The following ITGB8 variants were observed in gnomAD, a reference collection of about 807,000 sequenced individuals.
The protein encoded by ITGB8 is integrin subunit beta 8.
ITGB8 carries 30 observed loss-of-function variants against 89.5 expected under a neutral mutation model. The observed-to-expected ratio is 0.34, with a 90% CI of 0.25 to 0.45. The LOEUF (loss-of-function observed/expected upper bound fraction) is 0.45, where lower values mean the gene tolerates loss of function less well. ITGB8 is among the 20% of genes least tolerant of loss of function. The pLI, the probability that ITGB8 is intolerant of heterozygous loss-of-function variation, is 1.00. For missense variants in ITGB8, 836 were observed against 933.3 expected (o/e 0.90, Z 1.36); for synonymous variants, 335 against 320.4 (o/e 1.05, Z -0.49).
At chr7:20,347,361 T>C (rs965249658) in intron 1 of ITGB8, among the ~76,000 whole-genome samples, 5 of 152,164 alleles carry the variant, frequency 3.3e-5, no homozygotes, top group African/African-American at 7.2e-5. Flanking sequence ...CAACAATGTA[T>C]GTGGTGATTT....
At chr7:20,399,817 C>A (rs999841241) in intron 9 of ITGB8, among the ~76,000 whole-genome samples, 1 of 151,606 alleles carries the variant, frequency 6.6e-6, no homozygotes, top group African/African-American at 2.4e-5. Flanking sequence ...ATCTAAAGTG[C>A]AATGATGATT....
intron 10 of ITGB8, 93 bp downstream of exon 10, chr7:20,402,219 C>A: frequency 9.0e-7 from 1 of 1,106,296 alleles, no homozygotes; most frequent in Non-Finnish European, 1.2e-6. Context: ...TATAAATTAG[C>A]AAAACTGAAT....
intron 11 of ITGB8, among the ~76,000 whole-genome samples, chr7:20,405,346 G>T (rs1232779092): frequency 6.7e-6 from 1 of 149,576 alleles, no homozygotes; most frequent in South Asian, 2.1e-4. Flanking sequence ...TTGTGACAGA[G>T]TCTCGCTCTG....
intron 7 of ITGB8, among the ~76,000 whole-genome samples, chr7:20,393,721 G>A (rs1387183330): frequency 2.6e-5 from 4 of 152,124 alleles, no homozygotes; most frequent in Non-Finnish European, 4.4e-5. Context: ...TCTCCTCTGT[G>A]CCTTTGTTCT....
intron 1 of ITGB8, among the ~76,000 whole-genome samples, chr7:20,353,706 G>A (rs930993241): frequency 1.4e-5 from 2 of 147,210 alleles, no homozygotes; most frequent in African/African-American, 5.4e-5. Flanking sequence ...GGCCGAGGCG[G>A]GCGGATCACG....
At chr7:20,386,423 T>TC (rs1025150313) in intron 6 of ITGB8, among the ~76,000 whole-genome samples, 3 of 146,902 alleles carry the variant, frequency 2.0e-5, no homozygotes, top group African/African-American at 7.6e-5. Context: ...TTTTTTTTTT[T>TC]TTTTTTTGGA....
In ITGB8 at chr7:20,381,850, C is replaced by A. The variant is rs752932121; in HGVS notation, c.925C>A (p.Leu309Met). The change falls in exon 6 of 14, where the codon CTG becomes ATG. Residue 309 changes from leucine to methionine, a missense_variant. Leu to Met is a conservative substitution (Grantham distance 15). This residue lies in a region of ITGB8 where 192 missense variants were observed against 267.1 expected (regional missense o/e 0.72). Coordinates refer to ENST00000222573, the MANE Select transcript of ITGB8 (RefSeq NM_002214.3). ...IVVPNDGNCH[L>M]KNNVYVKSTT... ...GGTGCCCAATGACGGAAACTGTCAT[C>A]TGAAAAACAACGTCTATGTCAAATC... 10 of 1,613,454 alleles carry A rather than the reference C, an allele frequency of 6.2e-6. No individual in the cohort carries two copies. Among genetic ancestry groups the A allele is most frequent in the Non-Finnish European group, 7.6e-6 (9 of 1,179,796 alleles).
intron 1 of ITGB8, among the ~76,000 whole-genome samples, chr7:20,335,876 A>G (rs897539756): frequency 2.6e-5 from 4 of 151,514 alleles, no homozygotes; most frequent in African/African-American, 9.7e-5. Context: ...TCTTGGACCC[A>G]CACTCTCTTG....
At chr7:20,356,738 A>G (rs549391970) in intron 1 of ITGB8, among the ~76,000 whole-genome samples, 26 of 152,284 alleles carry the variant, frequency 1.7e-4, no homozygotes, top group African/African-American at 5.5e-4. Flanking sequence ...ATAACCATGA[A>G]CATCCTTTAA....
At chr7:20,391,607 C>A in intron 7 of ITGB8, 109 bp downstream of exon 7, 1 of 546,984 alleles carries the variant, frequency 1.8e-6, no homozygotes, top group Non-Finnish European at 3.2e-6. Flanking sequence ...ATACTTTGTA[C>A]AATCTAAATT....
In ITGB8 at chr7:20,413,023, T is replaced by C. The variant is rs987266036; in HGVS notation, c.*3026T>C. 1.6e-4 allele frequency: 24 copies of C among 152,466 alleles called. No individual in the cohort carries two copies. The highest frequency in any genetic ancestry group is 5.8e-4 in the African/African-American group (24 of 41,584). The allele number at this position is 152,466 out of a possible 1,614,324, so 9.4% of individuals were successfully genotyped here. A position where few individuals can be genotyped will look rare whatever the true frequency, so the allele number is the denominator to read the frequency against. On this transcript the variant is annotated 3_prime_UTR_variant, in exon 14 of 14. Transcript: ENST00000222573. ...TAAAGTATGTAATGATTTATAAATG[T>C]GCCATACATACACTACAACATAACA... is the stretch of plus-strand genomic sequence containing the variant.
In ITGB8 at chr7:20,398,886, G is replaced by T; in HGVS notation, c.1173G>T (p.Gln391His). 3.8e-6 allele frequency: 6 copies of T among 1,594,032 alleles called. No homozygotes were observed. Among genetic ancestry groups the T allele is most frequent in the Non-Finnish European group, 5.1e-6 (6 of 1,172,442 alleles). The change falls in exon 9 of 14, where the codon CAG (glutamine) becomes CAT (histidine). Residue 391 changes from glutamine to histidine, a missense_variant. This residue lies in a region of ITGB8 where 192 missense variants were observed against 267.1 expected (regional missense o/e 0.72). Coordinates refer to ENST00000222573, the MANE Select transcript of ITGB8 (RefSeq NM_002214.3). ...AGCTCATTTCAGAAGTGAAAGTTCA[G>T]GTGGAAAACCAGGTACAAGGCATCT... Reference protein sequence around the residue: ...YQKLISEVKVQVENQVQGIYF... With the variant: ...YQKLISEVKVHVENQVQGIYF...
At chr7:20,404,561 A>T in intron 10 of ITGB8, 67 bp from the exon 11 acceptor site, 2 of 1,342,852 alleles carry the variant, frequency 1.5e-6, no homozygotes, top group Non-Finnish European at 2.1e-6. Context: ...ACAGGAATCC[A>T]TGGTTGAAAA....
At chr7:20,356,505 C>T (rs1785299385) in intron 1 of ITGB8, among the ~76,000 whole-genome samples, 1 of 152,088 alleles carries the variant, frequency 6.6e-6, no homozygotes, top group African/African-American at 2.4e-5. Flanking sequence ...GTATTAATTA[C>T]AACAGTGTTT....
Position 20,336,001 on chromosome 7 carries a change from T to TC in ITGB8, c.127+4068_127+4069insC, listed in dbSNP as rs1491348895. On this transcript the variant is annotated intron_variant, in intron 1 of 13. Transcript: ENST00000222573. ...CTTCTCTGATCCAGTCTTGGTTTTC[T>TC]TTTTTTTTTTTTTTTTTTTTTTGAG... 2.9e-3 allele frequency among the ~76,000 whole-genome samples: 14 copies of TC among 4,780 alleles called. No homozygotes were observed. The East Asian group carries it at 0.16, about 54-fold the overall frequency. The allele number at this position is 4,780 out of a possible 152,430, so 3.1% of individuals were successfully genotyped here.
intron 1 of ITGB8, among the ~76,000 whole-genome samples, chr7:20,358,819 C>T (rs1204135830): frequency 6.6e-6 from 1 of 152,196 alleles, no homozygotes; most frequent in African/African-American, 2.4e-5. Flanking sequence ...CTCCCAGATA[C>T]TAAGCATAGT....
At chr7:20,405,939 G>T in intron 11 of ITGB8, 123 bp from the exon 12 acceptor site, 1 of 620,650 alleles carries the variant, frequency 1.6e-6, no homozygotes, top group Non-Finnish European at 2.9e-6. Flanking sequence ...TAGTTCTAAT[G>T]AACATAATCA....
At chr7:20,342,645 C>G (rs910497539) in intron 1 of ITGB8, among the ~76,000 whole-genome samples, 1 of 152,096 alleles carries the variant, frequency 6.6e-6, no homozygotes, top group Non-Finnish European at 1.5e-5. Flanking sequence ...AACTTCTATA[C>G]CCATGGCACA....
intron 1 of ITGB8, among the ~76,000 whole-genome samples, chr7:20,348,238 A>G (rs1784994130): frequency 6.6e-6 from 1 of 152,228 alleles, no homozygotes; most frequent in Non-Finnish European, 1.5e-5. Flanking sequence ...GTCAACAAGA[A>G]ATTAATGAAA....
Sources: gnomAD v4.1 joint callset for allele counts (sites outside exome capture counted in the v4.1 genomes callset) on GRCh38, gnomAD v4.1.1 for gene constraint, gnomAD v4.1.1 regional missense constraint, MANE v1.5 for transcripts, NCBI Gene and HGNC (gene_info 2026-07-23, HGNC 2026-07-21) for gene names.